CTSO: variants seen among roughly 807,000 people sequenced by gnomAD.
CTSO encodes the protein cathepsin O.
Under a neutral mutation model 42.4 loss-of-function variants are expected in CTSO, and 40 were observed. The ratio of observed to expected loss-of-function variants is 0.94; its 90% CI spans 0.73 to 1.23. The LOEUF (loss-of-function observed/expected upper bound fraction) is 1.23, where lower values mean the gene tolerates loss of function less well. Ranked by LOEUF, CTSO falls within the 50% of genes most tolerant of loss-of-function variation. The pLI is 0.00. For synonymous variants in CTSO, 156 were observed against 146.2 expected (o/e 1.07, Z -0.48); for missense variants, 441 against 396.0 (o/e 1.11, Z -0.96).
At chr4:155,933,700 G>T (rs1242481218) in intron 5 of CTSO, among the ~76,000 whole-genome samples, 1 of 152,160 alleles carries the variant, frequency 6.6e-6, no homozygotes, top group African/African-American at 2.4e-5. Context: ...ATGGAGCAAA[G>T]GTGACTCTTG....
At chr4:155,929,940 GGGTCCATTCAT>G (rs2110905905) in intron 5 of CTSO, among the ~76,000 whole-genome samples, 1 of 152,260 alleles carries the variant, frequency 6.6e-6, no homozygotes, top group Admixed American at 6.5e-5. Flanking sequence ...TCCATTTTCA[GGGTCCATTCAT>G]GGTCCAAGAT....
intron 1 of CTSO, among the ~76,000 whole-genome samples, chr4:155,950,651 G>A (rs964172233): frequency 6.6e-6 from 1 of 152,000 alleles, no homozygotes; most frequent in Non-Finnish European, 1.5e-5. Context: ...CAGGTGGTGA[G>A]GGGCCTGCGA....
chr4:155,944,501 T>A (rs1205507235), intron 1 of CTSO, among the ~76,000 whole-genome samples: 1 of 152,194 alleles, frequency 6.6e-6, no homozygotes, highest in African/African-American at 2.4e-5. Context: ...GATTCATTCA[T>A]TCAATAAGTA....
intron 7 of CTSO, among the ~76,000 whole-genome samples, chr4:155,926,648 A>T (rs1411676436): frequency 2.0e-5 from 3 of 152,188 alleles, no homozygotes; most frequent in African/African-American, 7.2e-5. Flanking sequence ...CATAAGAGTA[A>T]TATGACATCA....
chr4:155,939,194 T>G (rs926348762), intron 4 of CTSO, among the ~76,000 whole-genome samples, 177 bp downstream of exon 4: 1 of 152,222 alleles, frequency 6.6e-6, no homozygotes, highest in African/African-American at 2.4e-5. Context: ...ACAACTGCTT[T>G]GCCTAGAAGT....
intron 1 of CTSO, among the ~76,000 whole-genome samples, chr4:155,945,576 T>C (rs994585807): frequency 6.6e-6 from 1 of 152,142 alleles, no homozygotes; most frequent in Non-Finnish European, 1.5e-5. Context: ...GTGAACTTTA[T>C]ACAATGAAGA....
Position 155,953,763 on chromosome 4 carries a change from A to G in CTSO, c.85T>C (p.Phe29Leu). 1 of 1,320,414 alleles carries G rather than the reference A, an allele frequency of 7.6e-7. No homozygotes were observed. Among genetic ancestry groups the G allele is most frequent in the Non-Finnish European group, 9.7e-7 (1 of 1,033,666 alleles). The allele number at this position is 1,320,414 out of a possible 1,614,324, so 81.8% of individuals were successfully genotyped here. The change falls in exon 1 of 8, where the codon TTC (phenylalanine) becomes CTC (leucine). Residue 29 changes from phenylalanine to leucine, a missense_variant. Transcript: ENST00000433477. ...CGGCTCCGCGGCCAGGTCGGGGTGAAGGGGGCGCGGGAGTCCGCATCGCCG... is the reference window on the plus strand; with the variant it reads ...CGGCTCCGCGGCCAGGTCGGGGTGAGGGGGGCGCGGGAGTCCGCATCGCCG... ...GGGDADSRAP[F>L]TPTWPRSRER...
intron 1 of CTSO, among the ~76,000 whole-genome samples, chr4:155,947,604 T>C (rs967572888): frequency 8.5e-5 from 13 of 152,354 alleles, no homozygotes; most frequent in African/African-American, 3.1e-4. Flanking sequence ...TTCACTAACA[T>C]GGGTTTCACA....
At chr4:155,951,241 G>C (rs1440294911) in intron 1 of CTSO, among the ~76,000 whole-genome samples, 2 of 152,118 alleles carry the variant, frequency 1.3e-5, no homozygotes, top group African/African-American at 4.8e-5. Context: ...AATTTTATTG[G>C]ATCCAATATT....
At chr4:155,948,159 A>G (rs998503232) in intron 1 of CTSO, among the ~76,000 whole-genome samples, 1 of 152,192 alleles carries the variant, frequency 6.6e-6, no homozygotes, top group Non-Finnish European at 1.5e-5. Flanking sequence ...AGAACCCAAG[A>G]GATTGAAGAA....
chr4:155,933,815 C>T (rs1490795781), intron 5 of CTSO, among the ~76,000 whole-genome samples: 1 of 152,148 alleles, frequency 6.6e-6, no homozygotes, highest in Non-Finnish European at 1.5e-5. Context: ...GAAGAAATTT[C>T]TAAGCAGCAA....
rs2110898777 is a variant in CTSO at position 155,925,946 on chromosome 4, CTTGAAG to C, written c.*84_*89del. 1 of 1,132,166 alleles carries C rather than the reference CTTGAAG, an allele frequency of 8.8e-7. No homozygotes were observed. The highest frequency in any genetic ancestry group is 1.3e-6 in the Non-Finnish European group (1 of 772,462). 70.1% of individuals were successfully genotyped at this position (1,132,166 alleles called of 1,614,324 possible). On this transcript the variant is annotated 3_prime_UTR_variant, in exon 8 of 8. Transcript: ENST00000433477. The stretch of plus-strand genomic sequence containing the variant: ...AATCTTTTGTAGGTAGTTGCTGAAA[CTTGAAG>C]TTGAATAATACTTTGAAGTACTATG...
chr4:155,935,791 A>C (rs1743319264), intron 5 of CTSO, among the ~76,000 whole-genome samples: 1 of 152,226 alleles, frequency 6.6e-6, no homozygotes, highest in Non-Finnish European at 1.5e-5. Flanking sequence ...TGAATGAATA[A>C]ATAAATCAAA....
chr4:155,953,771 C>T lies in CTSO; in HGVS notation c.77G>A (p.Arg26His), dbSNP rs940896175. 2 of 1,337,108 alleles carry T rather than the reference C, an allele frequency of 1.5e-6. No homozygotes were observed. Among genetic ancestry groups the T allele is most frequent in the African/African-American group, 1.5e-5 (1 of 66,172 alleles). 82.8% of individuals were successfully genotyped at this position (1,337,108 alleles called of 1,614,324 possible). Residue 26 changes from arginine to histidine, a missense_variant, in exon 1 of 8, where the codon CGC becomes CAC. Transcript: ENST00000433477. ...CGGCCAGGTCGGGGTGAAGGGGGCGCGGGAGTCCGCATCGCCGCCGCCCCG... is the reference window on the plus strand; with the variant it reads ...CGGCCAGGTCGGGGTGAAGGGGGCGTGGGAGTCCGCATCGCCGCCGCCCCG... Reference protein sequence around the residue: ...LCRGGGDADSRAPFTPTWPRS... With the variant: ...LCRGGGDADSHAPFTPTWPRS...
At chr4:155,930,059 C>A (rs1192851081) in intron 5 of CTSO, among the ~76,000 whole-genome samples, 1 of 152,212 alleles carries the variant, frequency 6.6e-6, no homozygotes, top group Non-Finnish European at 1.5e-5. Context: ...CCAGAAATAA[C>A]CCGCAACACT....
intron 5 of CTSO, among the ~76,000 whole-genome samples, chr4:155,935,415 A>G (rs1366868124): frequency 6.6e-6 from 1 of 152,042 alleles, no homozygotes; most frequent in Non-Finnish European, 1.5e-5. Context: ...TTGTTCTAAC[A>G]TGCCAGACAT....
At chr4:155,941,605 G>A (rs780057267) in intron 3 of CTSO, among the ~76,000 whole-genome samples, 30 of 152,144 alleles carry the variant, frequency 2.0e-4, no homozygotes, top group Non-Finnish European at 8.8e-5. Context: ...GTGTCTATTA[G>A]TTTTCTGTCT....
chr4:155,935,924 C>T (rs1467503871), intron 5 of CTSO, among the ~76,000 whole-genome samples: 1 of 152,120 alleles, frequency 6.6e-6, no homozygotes, highest in Admixed American at 6.5e-5. Context: ...CCAATGCCAA[C>T]AACTCCTGCA....
intron 1 of CTSO, among the ~76,000 whole-genome samples, chr4:155,945,761 T>C (rs1743534148): frequency 6.6e-6 from 1 of 152,146 alleles, no homozygotes; most frequent in South Asian, 2.1e-4. Flanking sequence ...CTTAACAAAA[T>C]AGCAAATCAA....
Sources: allele counts gnomAD v4.1 joint callset (sites outside exome capture counted in the v4.1 genomes callset), GRCh38; gene constraint gnomAD v4.1.1; transcripts MANE v1.5; gene names NCBI Gene and HGNC (gene_info 2026-07-23, HGNC 2026-07-21).